Variants in RFX3 observed in about 807,000 individuals in gnomAD.
RFX3 encodes transcription factor RFX3.
A neutral mutation model predicts 98.6 loss-of-function variants in RFX3; 14 were observed. The observed-to-expected ratio is 0.14, with a 90% CI of 0.09 to 0.22. RFX3 has a LOEUF of 0.22. RFX3 is among the 10% of genes least tolerant of loss of function. The probability of loss-of-function intolerance (pLI) is 1.00; values close to 1 mark genes in which losing one functional copy is unlikely to be tolerated. For synonymous variants in RFX3, 383 were observed against 328.4 expected (o/e 1.17, Z -1.80); for missense variants, 639 against 926.9 (o/e 0.69, Z 4.03).
chr9:3,443,617 T>C (rs1014446916), intron 1 of RFX3, among the ~76,000 whole-genome samples: 1 of 152,236 alleles, frequency 6.6e-6, no homozygotes, highest in Admixed American at 6.5e-5. Flanking sequence ...GATGGGCATT[T>C]GGGTTGATTC....
chr9:3,381,107 G>A (rs961721580), intron 2 of RFX3, among the ~76,000 whole-genome samples: 2 of 151,912 alleles, frequency 1.3e-5, no homozygotes, highest in African/African-American at 4.8e-5. Flanking sequence ...GCATAATCAT[G>A]AGTTTTAAAT....
chr9:3,432,621 T>C (rs1020428026), intron 1 of RFX3, among the ~76,000 whole-genome samples: 3 of 152,310 alleles, frequency 2.0e-5, no homozygotes, highest in Admixed American at 6.5e-5. Context: ...TTTGAAGACA[T>C]GGATCTTGGA....
intron 4 of RFX3, among the ~76,000 whole-genome samples, chr9:3,319,159 T>C (rs2130698561): frequency 6.6e-6 from 1 of 152,352 alleles, no homozygotes; most frequent in African/African-American, 2.4e-5. Context: ...GTCTCCGTAA[T>C]CACTAAAACA....
intron 14 of RFX3, among the ~76,000 whole-genome samples, chr9:3,252,217 T>C (rs1292714652): frequency 6.6e-6 from 1 of 152,210 alleles, no homozygotes; most frequent in Admixed American, 6.5e-5. Context: ...CCAATAAAAT[T>C]CACATTTATT....
intron 1 of RFX3, among the ~76,000 whole-genome samples, chr9:3,461,664 G>A (rs996372623): frequency 1.9e-4 from 29 of 151,866 alleles, no homozygotes; most frequent in Non-Finnish European, 4.3e-4. Flanking sequence ...TAATGAGAAT[G>A]TACAAGAGAC....
intron 1 of RFX3, among the ~76,000 whole-genome samples, chr9:3,524,208 T>C (rs1006118907): frequency 6.6e-6 from 1 of 152,178 alleles, no homozygotes; most frequent in Non-Finnish European, 1.5e-5. Flanking sequence ...GATAAATCTA[T>C]TAACTAAAAG....
intron 4 of RFX3, among the ~76,000 whole-genome samples, chr9:3,321,184 G>T (rs1322519118): frequency 6.6e-6 from 1 of 152,036 alleles, no homozygotes; most frequent in East Asian, 1.9e-4. Context: ...GATTACACAC[G>T]TGAGCCACCG....
At chr9:3,304,738 G>C (rs1353520553) in intron 4 of RFX3, among the ~76,000 whole-genome samples, 1 of 151,938 alleles carries the variant, frequency 6.6e-6, no homozygotes, top group Non-Finnish European at 1.5e-5. Flanking sequence ...ATGATTGTGA[G>C]GTCTCCCCAG....
intron 1 of RFX3, among the ~76,000 whole-genome samples, chr9:3,406,641 G>A (rs1293795277): frequency 6.6e-6 from 1 of 152,050 alleles, no homozygotes; most frequent in Non-Finnish European, 1.5e-5. Context: ...AAGAAGATGA[G>A]TTTAAGACCC....
In RFX3 at chr9:3,222,548, A is replaced by G. The variant is rs1471536705; in HGVS notation, c.*2494T>C. 1 of 151,676 alleles carries G rather than the reference A, an allele frequency of 6.6e-6. No homozygotes were observed. Among genetic ancestry groups the G allele is most frequent in the Non-Finnish European group, 1.5e-5 (1 of 68,020 alleles). The allele number at this position is 151,676 out of a possible 1,614,324, so 9.4% of individuals were successfully genotyped here. ...TTCAATAAACAAAATGAAACCAGTA[A>G]ATACATTTGGTCCAATACAGATATA... is the stretch of plus-strand genomic sequence containing the variant. On this transcript the variant is annotated 3_prime_UTR_variant, in exon 17 of 17. Coordinates refer to ENST00000617270, the MANE Select transcript of RFX3 (RefSeq NM_001282116.2).
chr9:3,279,072 T>C (rs1825603649), intron 7 of RFX3, among the ~76,000 whole-genome samples: 1 of 151,790 alleles, frequency 6.6e-6, no homozygotes. Flanking sequence ...ATTTAATGTT[T>C]TTCTGATTTT....
At chr9:3,481,707 A>C (rs1849780919) in intron 1 of RFX3, among the ~76,000 whole-genome samples, 1 of 152,074 alleles carries the variant, frequency 6.6e-6, no homozygotes, top group Admixed American at 6.6e-5. Context: ...ATTTAAGAAG[A>C]GGAAAAGAAA....
chr9:3,378,795 G>C (rs1341501736), intron 2 of RFX3, among the ~76,000 whole-genome samples: 1 of 151,768 alleles, frequency 6.6e-6, no homozygotes, highest in Non-Finnish European at 1.5e-5. Context: ...ACCTCAGGTG[G>C]TCCGTCTTCC....
intron 2 of RFX3, among the ~76,000 whole-genome samples, chr9:3,361,860 T>C (rs776614846): frequency 6.6e-6 from 1 of 151,928 alleles, no homozygotes; most frequent in African/African-American, 2.4e-5. Flanking sequence ...GGCAGGAGGA[T>C]TGCTTTAGCC....
intron 2 of RFX3, 92 bp downstream of exon 2, chr9:3,395,380 A>G (rs1840749395): frequency 7.0e-7 from 1 of 1,425,286 alleles, no homozygotes; most frequent in Admixed American, 1.8e-5. Context: ...ATAGCAAGAC[A>G]GTAAAGTTCA....
chr9:3,370,125 G>A (rs532398361), intron 2 of RFX3, among the ~76,000 whole-genome samples: 6 of 150,228 alleles, frequency 4.0e-5, no homozygotes, highest in Non-Finnish European at 7.4e-5. Context: ...ACAGGCTTGA[G>A]CCACCACGCC....
chr9:3,416,550 C>G (rs966365753), intron 1 of RFX3, among the ~76,000 whole-genome samples: 1 of 152,098 alleles, frequency 6.6e-6, no homozygotes, highest in Non-Finnish European at 1.5e-5. Context: ...TCTCAAAGTT[C>G]CCATATGTAC....
intron 2 of RFX3, among the ~76,000 whole-genome samples, chr9:3,355,810 A>G (rs1213987032): frequency 1.3e-5 from 2 of 151,960 alleles, no homozygotes; most frequent in African/African-American, 4.8e-5. Context: ...AACAAATTTA[A>G]AAGTATTAAA....
rs149933640 is a variant in RFX3 at position 3,471,196 on chromosome 9, T to C, written c.-9+54551A>G. On this transcript the variant is annotated intron_variant, in intron 1 of 16. Coordinates refer to ENST00000617270, the MANE Select transcript of RFX3 (RefSeq NM_001282116.2). Reference sequence around the variant, plus strand: ...AGCTCAGGACATTTACCCTTATATATATTAGATGCTGCCATAATAACAGCA... The same window carrying C: ...AGCTCAGGACATTTACCCTTATATACATTAGATGCTGCCATAATAACAGCA... Among the ~76,000 whole-genome samples, 706 of 152,312 alleles carry C rather than the reference T, an allele frequency of 4.6e-3. 6 individuals are homozygous for C. Among genetic ancestry groups the C allele is most frequent in the African/African-American group, 0.016 (675 of 41,570 alleles).
Sources: allele counts gnomAD v4.1 joint callset (sites outside exome capture counted in the v4.1 genomes callset), GRCh38; gene constraint gnomAD v4.1.1; transcripts MANE v1.5; gene names NCBI Gene and HGNC (gene_info 2026-07-23, HGNC 2026-07-21).